Variants in SUGCT observed in about 807,000 individuals in gnomAD.
The protein encoded by SUGCT is succinyl-CoA:glutarate-CoA transferase.
A neutral mutation model predicts 55.0 loss-of-function variants in SUGCT; 41 were observed. That is an observed-to-expected ratio of 0.74 (90% CI 0.58 to 0.97). The LOEUF is 0.97. Among genes scored for constraint, SUGCT ranks in the 50% least tolerant of loss-of-function variants. SUGCT has a pLI of 0.00. For missense variants in SUGCT, 568 were observed against 547.8 expected (o/e 1.04, Z -0.37); for synonymous variants, 187 against 200.4 (o/e 0.93, Z 0.56).
At chr7:40,487,259 T>TC (rs1370737215) in intron 11 of SUGCT, among the ~76,000 whole-genome samples, 5 of 134,390 alleles carry the variant, frequency 3.7e-5, no homozygotes, top group African/African-American at 1.4e-4. Context: ...TGTTTTTTTT[T>TC]TTTTTTTTTT....
chr7:40,666,385 A>AGGAAGGAAGGAAGGAAGGAAGGAG (rs1801638437), intron 12 of SUGCT, among the ~76,000 whole-genome samples: 1 of 143,230 alleles, frequency 7.0e-6, no homozygotes, highest in African/African-American at 2.6e-5. Context: ...GAAGGAAGGA[A>AGGAAGGAAGGAAGGAAGGAAGGAG]GGAAGGAAAG....
chr7:40,482,512 T>C (rs990421533), intron 11 of SUGCT, among the ~76,000 whole-genome samples: 1 of 152,220 alleles, frequency 6.6e-6, no homozygotes, highest in Non-Finnish European at 1.5e-5. Flanking sequence ...TTTTCTTTAA[T>C]AATTTGGTAT....
At chr7:40,989,605 T>TAA in the SUGCT span, among the ~76,000 whole-genome samples, 21 of 132,572 alleles carry the variant, frequency 1.6e-4, no homozygotes, top group South Asian at 2.4e-4. Flanking sequence ...CCATCTCTAC[T>TAA]AAAAAAAAAA....
chr7:40,903,318 T>G, the SUGCT span, among the ~76,000 whole-genome samples: 1 of 152,120 alleles, frequency 6.6e-6, no homozygotes, highest in Non-Finnish European at 1.5e-5. Flanking sequence ...CAGCTCTCAG[T>G]GCAAGGATCC....
At chr7:40,807,467 C>T (rs1036734785) in intron 13 of SUGCT, among the ~76,000 whole-genome samples, 2 of 152,088 alleles carry the variant, frequency 1.3e-5, no homozygotes, top group Non-Finnish European at 2.9e-5. Flanking sequence ...TCAGTTTCTC[C>T]GCAGAAACAG....
chr7:40,215,945 G>C (rs769864720), intron 6 of SUGCT, among the ~76,000 whole-genome samples: 33 of 152,064 alleles, frequency 2.2e-4, no homozygotes, highest in Admixed American at 9.2e-4. Flanking sequence ...GGCATGAATG[G>C]TTTGGGATTT....
At chr7:40,710,539 A>G (rs1785657009) in intron 12 of SUGCT, among the ~76,000 whole-genome samples, 1 of 152,020 alleles carries the variant, frequency 6.6e-6, no homozygotes, top group Non-Finnish European at 1.5e-5. Flanking sequence ...ACTCCTCTAG[A>G]TCTTCATAAA....
At chr7:40,675,243 T>A (rs1783911039) in intron 12 of SUGCT, among the ~76,000 whole-genome samples, 1 of 152,058 alleles carries the variant, frequency 6.6e-6, no homozygotes, top group Non-Finnish European at 1.5e-5. Context: ...GTATTTTTAG[T>A]AGAGACGGGG....
At chr7:40,938,117 G>A in the SUGCT span, among the ~76,000 whole-genome samples, 1 of 152,146 alleles carries the variant, frequency 6.6e-6, no homozygotes, top group Non-Finnish European at 1.5e-5. Context: ...AATAGGCCAC[G>A]GACTGCTACC....
chr7:40,354,760 A>T (rs1797809213), intron 9 of SUGCT, among the ~76,000 whole-genome samples: 1 of 152,236 alleles, frequency 6.6e-6, no homozygotes, highest in African/African-American at 2.4e-5. Flanking sequence ...AATGAGGAGT[A>T]TAGGAAGCAG....
At chr7:40,704,276 G>A (rs1562955096) in intron 12 of SUGCT, among the ~76,000 whole-genome samples, 1 of 152,186 alleles carries the variant, frequency 6.6e-6, no homozygotes, top group Admixed American at 6.5e-5. Context: ...CTCTTCATCT[G>A]TAAGTGGGGA....
chr7:40,605,705 T>A (rs1225798391), intron 12 of SUGCT, among the ~76,000 whole-genome samples: 1 of 152,118 alleles, frequency 6.6e-6, no homozygotes, highest in African/African-American at 2.4e-5. Context: ...AACACAGAGA[T>A]GGGAATAACA....
chr7:40,810,687 G>A (rs1303164649), intron 13 of SUGCT, among the ~76,000 whole-genome samples: 1 of 152,124 alleles, frequency 6.6e-6, no homozygotes, highest in East Asian at 1.9e-4. Flanking sequence ...TGTGTAGTAT[G>A]TGAATATTTT....
intron 13 of SUGCT, among the ~76,000 whole-genome samples, chr7:40,853,755 G>A (rs1218863964): frequency 6.6e-6 from 1 of 152,162 alleles, no homozygotes; most frequent in Admixed American, 6.5e-5. Flanking sequence ...TTTCTGATCT[G>A]TAAAATGAGA....
At chr7:40,897,483 A>T in the SUGCT span, among the ~76,000 whole-genome samples, 1 of 150,196 alleles carries the variant, frequency 6.7e-6, no homozygotes, top group Admixed American at 6.7e-5. Context: ...TTTGGGGTTT[A>T]CCTTCCAGCA....
intron 9 of SUGCT, among the ~76,000 whole-genome samples, chr7:40,344,372 C>T (rs918432784): frequency 1.3e-5 from 2 of 152,062 alleles, no homozygotes; most frequent in Non-Finnish European, 2.9e-5. Context: ...TTCGATATTG[C>T]AGGGGTGGGC....
At chr7:40,534,368 A>C (rs1244973467) in intron 12 of SUGCT, among the ~76,000 whole-genome samples, 1 of 152,216 alleles carries the variant, frequency 6.6e-6, no homozygotes, top group African/African-American at 2.4e-5. Context: ...ATTTGTAAGA[A>C]TCAAATAATT....
At chr7:40,997,974 C>T in the SUGCT span, among the ~76,000 whole-genome samples, 6 of 152,054 alleles carry the variant, frequency 3.9e-5, no homozygotes, top group Non-Finnish European at 5.9e-5. Context: ...AGCTACTCCT[C>T]GGAAATCTCT....
the SUGCT span, among the ~76,000 whole-genome samples, chr7:40,898,481 G>GGGGGA: frequency 2.0e-5 from 2 of 100,166 alleles, no homozygotes; most frequent in Admixed American, 9.6e-5. Flanking sequence ...CCGGGAGGTC[G>GGGGGA]GGGGGGGGGG....
Sources: allele counts gnomAD v4.1 joint callset (sites outside exome capture counted in the v4.1 genomes callset), GRCh38; gene constraint gnomAD v4.1.1; transcripts MANE v1.5; gene names NCBI Gene and HGNC (gene_info 2026-07-23, HGNC 2026-07-21).